SCGB2B2: variants seen among roughly 807,000 people sequenced by gnomAD.
SCGB2B2 encodes the protein secretoglobin family 2B member 2.
SCGB2B2 carries 11 observed loss-of-function variants against 7.6 expected under a neutral mutation model. The ratio of observed to expected loss-of-function variants is 1.45; its 90% confidence interval spans 0.91 to 2.40. The LOEUF (loss-of-function observed/expected upper bound fraction) is 2.40, where lower values mean the gene tolerates loss of function less well. Ranked by LOEUF, SCGB2B2 falls within the 30% of genes most tolerant of loss-of-function variation. SCGB2B2 has a pLI of 0.00. For missense variants in SCGB2B2, 104 were observed against 115.4 expected, an observed-to-expected ratio of 0.90 and a Z score of 0.45; for synonymous variants, 50 against 48.6, an observed-to-expected ratio of 1.03 and a Z score of -0.12.
chr19:34,645,774 A>G, intron 1 of SCGB2B2: 1 of 310,988 alleles, frequency 3.2e-6, no homozygotes, highest in Non-Finnish European at 6.5e-6. Context: ...CTGCTCCTTC[A>G]CCGTCATTGC....
At chr19:34,654,790 A>C (rs10402195) in intron 1 of SCGB2B2, among the ~76,000 whole-genome samples, 61,193 of 150,368 alleles carry the variant, frequency 0.41, 13,895 homozygotes, top group Middle Eastern at 0.6. Flanking sequence ...GCCCACCAAG[A>C]GTCTTTGAAA....
rs1220920270 is a variant in SCGB2B2 at position 34,592,275 on chromosome 19, G to C, written c.*1280C>G. Among the ~76,000 whole-genome samples the C allele has an allele frequency of 6.6e-6, 1 of 152,186 alleles. No individual in the cohort carries two copies. Among genetic ancestry groups the C allele is most frequent in the Non-Finnish European group, 1.5e-5 (1 of 68,026 alleles). On this transcript the variant is annotated 3_prime_UTR_variant, in exon 4 of 4. Coordinates refer to ENST00000601241, the MANE Select transcript of SCGB2B2 (RefSeq NM_001025591.4). ...ATAGGGTGGTCAGCAGTGGAGCCTT[G>C]TCCTGGCCAGCCGTGTGTGCCCTGC...
chr19:34,652,463 G>A (rs1239394061), intron 1 of SCGB2B2, among the ~76,000 whole-genome samples: 1 of 151,192 alleles, frequency 6.6e-6, no homozygotes, highest in African/African-American at 2.5e-5. Context: ...AAAACTACAA[G>A]TAATCTGATG....
At chr19:34,635,944 C>T (rs186479743) in intron 1 of SCGB2B2, among the ~76,000 whole-genome samples, 29 of 152,322 alleles carry the variant, frequency 1.9e-4, no homozygotes, top group Admixed American at 1.6e-3. Flanking sequence ...CACATGCCCC[C>T]CGTGTGTGCA....
chr19:34,649,563 A>C (rs936065483), intron 1 of SCGB2B2, among the ~76,000 whole-genome samples: 1 of 152,202 alleles, frequency 6.6e-6, no homozygotes, highest in Non-Finnish European at 1.5e-5. Flanking sequence ...AAAATCAATA[A>C]ACCGGCCAGG....
intron 1 of SCGB2B2, among the ~76,000 whole-genome samples, chr19:34,643,389 G>T (rs1600061605): frequency 6.6e-6 from 1 of 152,174 alleles, no homozygotes; most frequent in South Asian, 2.1e-4. Flanking sequence ...AAGGTAGAGA[G>T]TAGAAGGATA....
rs148512738 is a variant in SCGB2B2, at chr19:34,656,514, G to T, written c.-2032+19116C>A. On this transcript the variant is annotated intron_variant, in intron 1 of 3. Coordinates refer to ENST00000601241, the MANE Select transcript of SCGB2B2 (RefSeq NM_001025591.4). ...GCTACTCGGGAGGCTGAGGTGGGAGGATCGCTTAAGCCCAGGAGGATGAGG... is the reference window on the plus strand; with the variant it reads ...GCTACTCGGGAGGCTGAGGTGGGAGTATCGCTTAAGCCCAGGAGGATGAGG... Among the ~76,000 whole-genome samples, 156 of 151,252 alleles carry T rather than the reference G, an allele frequency of 1.0e-3. 9 individuals are homozygous for T. The highest frequency in any genetic ancestry group is 2.6e-3 in the African/African-American group (105 of 40,588).
chr19:34,637,737 G>C (rs2066726047), intron 1 of SCGB2B2: 1 of 151,754 alleles, frequency 6.6e-6, no homozygotes, highest in South Asian at 2.1e-4. Context: ...TCTCTAGAGA[G>C]GAAAATAATG....
At chr19:34,668,187 T>C (rs1486817071) in intron 1 of SCGB2B2, among the ~76,000 whole-genome samples, 3 of 151,724 alleles carry the variant, frequency 2.0e-5, no homozygotes, top group Non-Finnish European at 4.4e-5. Flanking sequence ...TGCAGGGAGG[T>C]CTGGAGGGAG....
chr19:34,645,593 C>A, intron 1 of SCGB2B2: 1 of 266,586 alleles, frequency 3.8e-6, no homozygotes. Flanking sequence ...TGTCAGTTGT[C>A]CAGATACACA....
intron 1 of SCGB2B2, among the ~76,000 whole-genome samples, chr19:34,601,216 C>CTGAG (rs1314733438): frequency 6.6e-6 from 1 of 152,230 alleles, no homozygotes; most frequent in African/African-American, 2.4e-5. Flanking sequence ...TAGTTTGCTT[C>CTGAG]TGAGTTCTCT....
intron 1 of SCGB2B2, among the ~76,000 whole-genome samples, chr19:34,665,903 G>A (rs1186456636): frequency 6.6e-6 from 1 of 152,104 alleles, no homozygotes; most frequent in African/African-American, 2.4e-5. Context: ...CTGTAGCTGT[G>A]CAAGTGGGAA....
Position 34,618,021 on chromosome 19 carries a change from T to TGC in SCGB2B2, c.-2031-21429_-2031-21428dup, listed in dbSNP as rs574875895. ...CACGGTGCGTGCACCCACTGACCTG[T>TGC]GCCCACTGTCTGGCACTCCCTAGTG... On this transcript the variant is annotated intron_variant, in intron 1 of 3. Transcript: ENST00000601241. Among the ~76,000 whole-genome samples, 340 of 151,618 alleles carry TGC rather than the reference T, an allele frequency of 2.2e-3. 1 individual carries two copies. Among genetic ancestry groups the TGC allele is most frequent in the African/African-American group, 7.8e-3 (324 of 41,404 alleles).
At chr19:34,597,769 G>A (rs1196896765) in intron 1 of SCGB2B2, among the ~76,000 whole-genome samples, 1 of 152,192 alleles carries the variant, frequency 6.6e-6, no homozygotes, top group Admixed American at 6.5e-5. Flanking sequence ...GCAGCAGAGA[G>A]CGGGGCCCAG....
rs1222680077 is a variant in SCGB2B2 at position 34,593,274 on chromosome 19, C to T, written c.*281G>A. ...GGTGGAGGCTGCAGTGAGCCAAGAT[C>T]GCGCCAATGCACTCCAGCCACCCTC... On this transcript the variant is annotated 3_prime_UTR_variant, in exon 4 of 4. Transcript: ENST00000601241. 1.7e-5 allele frequency: 6 copies of T among 355,314 alleles called. No individual in the cohort carries two copies. Among genetic ancestry groups the T allele is most frequent in the Admixed American group, 8.5e-5 (2 of 23,594 alleles). The allele number at this position is 355,314 out of a possible 1,614,324, so 22.0% of individuals were successfully genotyped here. A position where few individuals can be genotyped will look rare whatever the true frequency, so the allele number is the denominator to read the frequency against.
intron 1 of SCGB2B2, among the ~76,000 whole-genome samples, chr19:34,637,085 C>T (rs138086889): frequency 6.6e-6 from 1 of 152,162 alleles, no homozygotes; most frequent in Non-Finnish European, 1.5e-5. Flanking sequence ...AAAATAGTAA[C>T]CACATTGGTC....
At chr19:34,649,867 T>G (rs2067119091) in intron 1 of SCGB2B2, among the ~76,000 whole-genome samples, 1 of 151,094 alleles carries the variant, frequency 6.6e-6, no homozygotes, top group Non-Finnish European at 1.5e-5. Context: ...CACTCTGTTG[T>G]GCCCCAATCT....
At chr19:34,600,918 GGT>G (rs59535318) in intron 1 of SCGB2B2, among the ~76,000 whole-genome samples, 16,585 of 149,964 alleles carry the variant, frequency 0.11, 1,081 homozygotes, top group East Asian at 0.35. Flanking sequence ...CTCGGGGTGT[GGT>G]GTGTGTGTGT....
intron 1 of SCGB2B2, among the ~76,000 whole-genome samples, chr19:34,623,621 G>A (rs984838697): frequency 1.1e-4 from 16 of 152,160 alleles, no homozygotes; most frequent in African/African-American, 2.9e-4. Flanking sequence ...AGACCTACTC[G>A]ACCTAAAAGG....
Sources: gnomAD v4.1 joint callset for allele counts (sites outside exome capture counted in the v4.1 genomes callset) on GRCh38, gnomAD v4.1.1 for gene constraint, MANE v1.5 for transcripts, NCBI Gene and HGNC (gene_info 2026-07-23, HGNC 2026-07-21) for gene names.